Variants in RPS6KC1 observed in about 807,000 individuals in gnomAD.
RPS6KC1 encodes the protein inactive ribosomal protein S6 kinase delta-1.
A neutral mutation model predicts 103.8 loss-of-function variants in RPS6KC1; 54 were observed. The observed-to-expected ratio is 0.52, with a 90% CI of 0.42 to 0.65. The LOEUF (loss-of-function observed/expected upper bound fraction) is 0.65, where lower values mean the gene tolerates loss of function less well. Among genes scored for constraint, RPS6KC1 ranks in the 30% least tolerant of loss-of-function variants. The probability of loss-of-function intolerance (pLI) is 0.00; values close to 1 mark genes in which losing one functional copy is unlikely to be tolerated. For synonymous variants in RPS6KC1, 439 were observed against 438.7 expected, an observed-to-expected ratio of 1.00 and a Z score of -0.01; for missense variants, 1,151 against 1,253.8, an observed-to-expected ratio of 0.92 and a Z score of 1.24.
At chr1:213,730,027 C>T in the RPS6KC1 span, among the ~76,000 whole-genome samples, 4 of 152,040 alleles carry the variant, frequency 2.6e-5, no homozygotes, top group Non-Finnish European at 5.9e-5. Context: ...ATGCTGTGTT[C>T]GATTTTCTCT....
At chr1:213,296,120 C>T in the RPS6KC1 span, among the ~76,000 whole-genome samples, 1 of 152,170 alleles carries the variant, frequency 6.6e-6, no homozygotes, top group African/African-American at 2.4e-5. Flanking sequence ...CCAAATTGAT[C>T]AGAGTGGCCA....
At chr1:213,389,902 G>A in the RPS6KC1 span, among the ~76,000 whole-genome samples, 85 of 152,132 alleles carry the variant, frequency 5.6e-4, no homozygotes, top group African/African-American at 2.0e-3. Context: ...ATGCTTCTTC[G>A]CTAAATGTAA....
chr1:213,769,200 G>A, the RPS6KC1 span, among the ~76,000 whole-genome samples: 1 of 152,224 alleles, frequency 6.6e-6, no homozygotes, highest in Non-Finnish European at 1.5e-5. Flanking sequence ...AGGAAGCTAA[G>A]AGGAGGGAGA....
At chr1:213,814,368 C>G in the RPS6KC1 span, among the ~76,000 whole-genome samples, 1 of 152,220 alleles carries the variant, frequency 6.6e-6, no homozygotes, top group African/African-American at 2.4e-5. Flanking sequence ...CATCATCCAA[C>G]TGAGAAGGAG....
chr1:213,793,783 G>A, the RPS6KC1 span, among the ~76,000 whole-genome samples: 8 of 152,194 alleles, frequency 5.3e-5, no homozygotes, highest in African/African-American at 1.9e-4. Context: ...TGTCTGATGA[G>A]TAGGACTAAT....
the RPS6KC1 span, among the ~76,000 whole-genome samples, chr1:213,486,872 G>T: frequency 6.6e-6 from 1 of 152,180 alleles, no homozygotes; most frequent in African/African-American, 2.4e-5. Flanking sequence ...TTCAAACCCT[G>T]TCTTCACCAT....
the RPS6KC1 span, among the ~76,000 whole-genome samples, chr1:213,362,419 T>A: frequency 6.6e-6 from 1 of 152,222 alleles, no homozygotes; most frequent in Admixed American, 6.5e-5. Context: ...TTTACTCTTA[T>A]ATCTCATTAA....
chr1:213,175,099 T>C (rs189134836), intron 7 of RPS6KC1, among the ~76,000 whole-genome samples: 431 of 152,342 alleles, frequency 2.8e-3, no homozygotes, highest in Non-Finnish European at 4.4e-3. Context: ...AATTCACAAA[T>C]GGTAGTTTTC....
rs74140556 is a variant in RPS6KC1, at chr1:213,054,416, T to A, written c.105+2907T>A. Among the ~76,000 whole-genome samples the A allele has an allele frequency of 2.6e-3, 393 of 152,352 alleles. 2 individuals carry two copies. Among genetic ancestry groups the A allele is most frequent in the African/African-American group, 8.7e-3 (361 of 41,576 alleles). ...AGACATACTTTTAAAATAACTGTGCTTAGTATTATAAAATATTTCTTGAGA... is the reference window on the plus strand; with the variant it reads ...AGACATACTTTTAAAATAACTGTGCATAGTATTATAAAATATTTCTTGAGA... On this transcript the variant is annotated intron_variant, in intron 1 of 14. Coordinates refer to ENST00000366960, the MANE Select transcript of RPS6KC1 (RefSeq NM_012424.6).
At chr1:213,314,888 G>A in the RPS6KC1 span, among the ~76,000 whole-genome samples, 1 of 152,170 alleles carries the variant, frequency 6.6e-6, no homozygotes, top group Non-Finnish European at 1.5e-5. Flanking sequence ...GAGGTGGATA[G>A]AATGGCTGCG....
intron 14 of RPS6KC1, among the ~76,000 whole-genome samples, chr1:213,268,219 G>T (rs4295858): frequency 0.98 from 149,130 of 152,026 alleles, 73,218 homozygotes; most frequent in East Asian, 1. Context: ...GAAGGAAGCA[G>T]TAATGTCTAA....
intron 2 of RPS6KC1, among the ~76,000 whole-genome samples, chr1:213,074,651 G>A (rs1243185662): frequency 6.6e-6 from 1 of 151,932 alleles, no homozygotes; most frequent in Non-Finnish European, 1.5e-5. Context: ...TGAGAAGAAG[G>A]AATATAGGAT....
the RPS6KC1 span, among the ~76,000 whole-genome samples, chr1:213,404,687 A>G: frequency 2.5e-4 from 38 of 152,308 alleles, no homozygotes; most frequent in Admixed American, 1.2e-3. Context: ...ATCAGTGAGG[A>G]CTGGGATTAT....
chr1:213,199,268 G>A (rs1336900795), intron 8 of RPS6KC1, among the ~76,000 whole-genome samples: 2 of 152,128 alleles, frequency 1.3e-5, no homozygotes, highest in Non-Finnish European at 2.9e-5. Flanking sequence ...ATTGAATCCA[G>A]CACCACATTA....
the RPS6KC1 span, among the ~76,000 whole-genome samples, chr1:213,639,327 T>A: frequency 3.9e-5 from 6 of 152,178 alleles, no homozygotes; most frequent in African/African-American, 1.4e-4. Flanking sequence ...GATCTGCCTT[T>A]TATTCCTTTT....
At chr1:213,447,132 A>G in the RPS6KC1 span, among the ~76,000 whole-genome samples, 6 of 152,084 alleles carry the variant, frequency 3.9e-5, no homozygotes, top group Non-Finnish European at 8.8e-5. Flanking sequence ...CAGTAGCACA[A>G]TCACAGCTCA....
chr1:213,092,931 G>A (rs1018706086), intron 3 of RPS6KC1, among the ~76,000 whole-genome samples: 2 of 152,058 alleles, frequency 1.3e-5, no homozygotes, highest in South Asian at 2.1e-4. Flanking sequence ...AGGATACATA[G>A]CTGGCTTCTT....
At chr1:213,546,931 C>G in the RPS6KC1 span, among the ~76,000 whole-genome samples, 2 of 152,182 alleles carry the variant, frequency 1.3e-5, no homozygotes, top group Non-Finnish European at 2.9e-5. Context: ...GTGGGTCTAG[C>G]TAATGTTCTG....
the RPS6KC1 span, among the ~76,000 whole-genome samples, chr1:213,337,731 A>G: frequency 1.4e-4 from 21 of 152,130 alleles, no homozygotes; most frequent in Non-Finnish European, 2.6e-4. Flanking sequence ...CATTCAACAG[A>G]TATTTATTGT....
Sources: gnomAD v4.1 joint callset for allele counts (sites outside exome capture counted in the v4.1 genomes callset) on GRCh38, gnomAD v4.1.1 for gene constraint, MANE v1.5 for transcripts, NCBI Gene and HGNC (gene_info 2026-07-23, HGNC 2026-07-21) for gene names.